TMEM161B: variants seen among roughly 807,000 people sequenced by gnomAD.
TMEM161B encodes transmembrane protein 161B.
TMEM161B carries 34 observed loss-of-function variants against 61.8 expected under a neutral mutation model. That is an observed-to-expected ratio of 0.55 (90% CI 0.42 to 0.73). The LOEUF (loss-of-function observed/expected upper bound fraction) is 0.73. Ranked by LOEUF, TMEM161B falls within the 30% of genes least tolerant of loss-of-function variation. TMEM161B has a pLI of 0.00. For missense variants in TMEM161B, 456 were observed against 558.5 expected (o/e 0.82, Z 1.85); for synonymous variants, 167 against 192.8 (o/e 0.87, Z 1.11).
At chr5:88,205,758 A>C (rs1031671397) in intron 8 of TMEM161B, 56 bp downstream of exon 8, 1 of 1,581,930 alleles carries the variant, frequency 6.3e-7, no homozygotes, top group Non-Finnish European at 8.6e-7. Flanking sequence ...TTATACCTTC[A>C]TTAAGATGGA....
intron 5 of TMEM161B, among the ~76,000 whole-genome samples, chr5:88,214,743 G>A (rs886281790): frequency 1.3e-5 from 2 of 152,158 alleles, no homozygotes; most frequent in African/African-American, 4.8e-5. Context: ...AATGGAAGTG[G>A]AACACACAGA....
At chr5:88,202,623 T>C (rs1054054028) in intron 9 of TMEM161B, 22 of 238,780 alleles carry the variant, frequency 9.2e-5, no homozygotes, top group Non-Finnish European at 1.6e-4. Context: ...TTTTCCTCCA[T>C]AATTTTCAAA....
chr5:88,191,999 T>TAC (rs1748970063), downstream of TMEM161B, among the ~76,000 whole-genome samples: 1 of 70,668 alleles, frequency 1.4e-5, no homozygotes, highest in African/African-American at 7.4e-5. Flanking sequence ...TATATATATA[T>TAC]ATATATATAT....
chr5:88,206,029 A>T (rs1317024602), intron 7 of TMEM161B, 75 bp from the exon 8 acceptor site: 1 of 1,155,460 alleles, frequency 8.7e-7, no homozygotes, highest in Non-Finnish European at 1.2e-6. Flanking sequence ...CTTCTAATCA[A>T]TTATCTTACA....
intron 5 of TMEM161B, among the ~76,000 whole-genome samples, chr5:88,219,744 G>A (rs1748571640): frequency 6.6e-6 from 1 of 151,944 alleles, no homozygotes; most frequent in South Asian, 2.1e-4. Context: ...TCAAGTATGA[G>A]GGAAAAAATA....
chr5:88,218,739 G>T (rs1748380696), intron 5 of TMEM161B, among the ~76,000 whole-genome samples: 1 of 152,142 alleles, frequency 6.6e-6, no homozygotes, highest in South Asian at 2.1e-4. Flanking sequence ...CAGTTCTTAA[G>T]AGTAAGAATG....
At chr5:88,227,293 G>A (rs1167862318) in intron 3 of TMEM161B, among the ~76,000 whole-genome samples, 1 of 152,162 alleles carries the variant, frequency 6.6e-6, no homozygotes, top group Admixed American at 6.5e-5. Context: ...TTCAAATCCT[G>A]GTTACCAGTA....
chr5:88,258,525 A>G (rs566361463), intron 1 of TMEM161B, among the ~76,000 whole-genome samples: 1 of 152,322 alleles, frequency 6.6e-6, no homozygotes, highest in East Asian at 1.9e-4. Context: ...TCTCTTGACC[A>G]AGGGCGAATG....
chr5:88,252,684 C>T (rs111298632), intron 1 of TMEM161B, among the ~76,000 whole-genome samples: 13 of 152,248 alleles, frequency 8.5e-5, no homozygotes, highest in African/African-American at 1.9e-4. Context: ...AAGAAACTCA[C>T]GAAGAAGGCT....
At chr5:88,221,805 T>C (rs370052157) in intron 4 of TMEM161B, 6 of 455,382 alleles carry the variant, frequency 1.3e-5, no homozygotes, top group Non-Finnish European at 2.6e-5. Context: ...TCAATTCAGA[T>C]GTTCTTATGG....
chr5:88,243,360 A>G (rs747675136), intron 1 of TMEM161B, among the ~76,000 whole-genome samples: 2 of 151,772 alleles, frequency 1.3e-5, no homozygotes, highest in Non-Finnish European at 2.9e-5. Flanking sequence ...CTGTTCCTGC[A>G]TAAGTTTGCT....
At chr5:88,203,462 C>T (rs897244956) in intron 8 of TMEM161B, among the ~76,000 whole-genome samples, 17 of 151,580 alleles carry the variant, frequency 1.1e-4, no homozygotes, top group African/African-American at 2.9e-4. Flanking sequence ...ATATAGTCAA[C>T]GAATCTAATG....
intron 11 of TMEM161B, among the ~76,000 whole-genome samples, chr5:88,197,399 T>C (rs1415793843): frequency 6.6e-6 from 1 of 152,150 alleles, no homozygotes; most frequent in Non-Finnish European, 1.5e-5. Flanking sequence ...AGATCAACAG[T>C]GCTTACTAAA....
At chr5:88,223,093 C>G (rs1749299570) in intron 4 of TMEM161B, among the ~76,000 whole-genome samples, 1 of 150,978 alleles carries the variant, frequency 6.6e-6, no homozygotes, top group African/African-American at 2.4e-5. Context: ...ACCAAATACT[C>G]CATAAACTAC....
intron 5 of TMEM161B, among the ~76,000 whole-genome samples, chr5:88,211,669 G>A (rs1471441221): frequency 6.6e-6 from 1 of 151,694 alleles, no homozygotes; most frequent in Non-Finnish European, 1.5e-5. Flanking sequence ...AACTCGGGAA[G>A]CTGAGGAAGG....
In TMEM161B at chr5:88,267,179, C is replaced by G. The variant is rs891983833; in HGVS notation, c.3+1542G>C. 2.0e-5 allele frequency among the ~76,000 whole-genome samples: 3 copies of G among 152,104 alleles called. 1 individual carries two copies. The highest frequency in any genetic ancestry group is 4.4e-5 in the Non-Finnish European group (3 of 67,998). On this transcript the variant is annotated intron_variant, in intron 1 of 11. Transcript: ENST00000296595. ...CAAACTACTGTTACTTTAGAAAAAT[C>G]ACTGTCAATTTCTAGACCCCAGATT...
chr5:88,237,415 T>A (rs1371363417), intron 2 of TMEM161B, among the ~76,000 whole-genome samples: 1 of 152,102 alleles, frequency 6.6e-6, no homozygotes, highest in East Asian at 1.9e-4. Flanking sequence ...AGAGGAGTCC[T>A]AAGGGAAGAA....
Position 88,196,119 on chromosome 5 carries a change from A to G in TMEM161B, c.*92T>C, listed in dbSNP as rs192902973. 6.1e-4 allele frequency: 905 copies of G among 1,483,028 alleles called. 1 individual carries two copies. The highest frequency in any genetic ancestry group is 7.4e-4 in the Non-Finnish European group (832 of 1,119,654). 91.9% of individuals were successfully genotyped at this position (1,483,028 alleles called of 1,614,324 possible). ...TGATATGTTTTTTTTTTCCCATTGT[A>G]TTTGCTTTCTTCTGGTTTTCATCAG... On this transcript the variant is annotated 3_prime_UTR_variant, in exon 12 of 12. Transcript: ENST00000296595.
downstream of TMEM161B, among the ~76,000 whole-genome samples, chr5:88,187,574 C>A (rs902626396): frequency 2.6e-5 from 4 of 152,096 alleles, no homozygotes; most frequent in Non-Finnish European, 4.4e-5. Context: ...CTTTTTGACA[C>A]TATTGTAACA....
Sources: allele counts gnomAD v4.1 joint callset (sites outside exome capture counted in the v4.1 genomes callset), GRCh38; gene constraint gnomAD v4.1.1; transcripts MANE v1.5; gene names NCBI Gene and HGNC (gene_info 2026-07-23, HGNC 2026-07-21).